PGBD5: variants seen among roughly 807,000 people sequenced by gnomAD.
PGBD5 encodes the protein piggyBac transposable element-derived protein 5.
PGBD5 carries 14 observed loss-of-function variants against 47.9 expected under a neutral mutation model. That is an observed-to-expected ratio of 0.29 (90% CI 0.19 to 0.46). The LOEUF is 0.46. Ranked by LOEUF, PGBD5 falls within the 20% of genes least tolerant of loss-of-function variation. The pLI is 1.00. For missense variants in PGBD5, 635 were observed against 716.0 expected (o/e 0.89, Z 1.29); for synonymous variants, 316 against 306.3 (o/e 1.03, Z -0.33).
rs148878203 is a variant in PGBD5 at position 230,357,064 on chromosome 1, G to C, written c.589C>G (p.Arg197Gly). The C allele has an allele frequency of 6.2e-7, 1 of 1,614,178 alleles. No individual in the cohort carries two copies. Among genetic ancestry groups the C allele is most frequent in the South Asian group, 1.1e-5 (1 of 91,082 alleles). Residue 197 changes from arginine to glycine, a missense_variant, in exon 2 of 7, where the codon CGC (arginine) becomes GGC (glycine). Transcript: ENST00000391860. The surrounding 1 kb of genome is among the most constrained non-coding windows in gnomAD (Gnocchi z 5.7). ...TGGCTCATGACGAGGGCGAGGCTGCGGTTGCTGTAGAAGCCTCCGCTCCAG... is the reference window on the plus strand; with the variant it reads ...TGGCTCATGACGAGGGCGAGGCTGCCGTTGCTGTAGAAGCCTCCGCTCCAG... ...SIWSGGFYSNRSLALVMSQAR... is the reference protein window; with the variant it reads ...SIWSGGFYSNGSLALVMSQAR...
chr1:230,333,090 C>T (rs1319141701), intron 4 of PGBD5, 49 bp from the exon 5 acceptor site: 3 of 1,538,210 alleles, frequency 2.0e-6, no homozygotes, highest in African/African-American at 2.7e-5. Context: ...ATCGGAGATG[C>T]CGGCGGCTCC....
intron 1 of PGBD5, among the ~76,000 whole-genome samples, chr1:230,380,196 T>A (rs1189003051): frequency 6.6e-6 from 1 of 152,242 alleles, no homozygotes; most frequent in Admixed American, 6.5e-5. Flanking sequence ...ACTTTCTAAG[T>A]TAATTAAGTC....
intron 1 of PGBD5, among the ~76,000 whole-genome samples, chr1:230,368,708 A>G (rs1184771298): frequency 6.6e-6 from 1 of 152,228 alleles, no homozygotes; most frequent in Non-Finnish European, 1.5e-5. Flanking sequence ...CAGGGTCGGT[A>G]ATGCCTGGGC....
chr1:230,337,228 G>A lies in PGBD5; in HGVS notation c.955C>T (p.Pro319Ser). The change falls in exon 4 of 7, where the codon CCC (proline) becomes TCC (serine). Residue 319 changes from proline to serine, a missense_variant. By Grantham distance (74) the Pro-to-Ser change is moderately conservative. Coordinates refer to ENST00000391860, the MANE Select transcript of PGBD5 (RefSeq NM_001258311.2). ...CTGGCCACCATGCTGTGGAGCTGGG[G>A]CTTATTCTTCAGCGCATCCAGGCCA... ...PDGLDALKNKPQLHSMVARSL... is the reference protein window; with the variant it reads ...PDGLDALKNKSQLHSMVARSL... The A allele has an allele frequency of 6.2e-7, 1 of 1,614,122 alleles. No individual in the cohort carries two copies. Among genetic ancestry groups the A allele is most frequent in the Non-Finnish European group, 8.5e-7 (1 of 1,180,008 alleles).
Position 230,318,961 on chromosome 1 carries a change from G to A in PGBD5, c.*4464C>T, listed in dbSNP as rs73119525. ...GGACCCAGGGGGAGGGTGATGTCCC[G>A]GATCTCATAATGATTGTTTTCAGTA... On this transcript the variant is annotated 3_prime_UTR_variant, in exon 7 of 7. Coordinates refer to ENST00000391860, the MANE Select transcript of PGBD5 (RefSeq NM_001258311.2). 14,683 of 152,186 alleles carry A rather than the reference G, an allele frequency of 0.096. 1,249 individuals carry two copies. Among genetic ancestry groups the A allele is most frequent in the African/African-American group, 0.23 (9,649 of 41,482 alleles). 9.4% of individuals were successfully genotyped at this position (152,186 alleles called of 1,614,324 possible). A position where few individuals can be genotyped will look rare whatever the true frequency, so the allele number is the denominator to read the frequency against.
chr1:230,332,823 C>A, intron 5 of PGBD5, 21 bp downstream of exon 5: 2 of 1,613,860 alleles, frequency 1.2e-6, no homozygotes, highest in South Asian at 2.2e-5. Context: ...CCCACTGTGT[C>A]AATGGCGGAC....
intron 1 of PGBD5, among the ~76,000 whole-genome samples, chr1:230,389,174 C>CTT (rs5781582): frequency 7.0e-6 from 1 of 142,660 alleles, no homozygotes. Flanking sequence ...CATTTTCTTT[C>CTT]TTTTTTTTTT....
rs1425541797 is a variant in PGBD5 at position 230,316,719 on chromosome 1, G to A, written c.*6706C>T. ...CCCTCACATGGATCGTCAGGCTGGA[G>A]GAGTAGGTGGGCACCATACTTCCTT... On this transcript the variant is annotated 3_prime_UTR_variant, in exon 7 of 7. Transcript: ENST00000391860. 1.3e-5 allele frequency: 2 copies of A among 152,104 alleles called. No individual in the cohort carries two copies. The highest frequency in any genetic ancestry group is 2.9e-5 in the Non-Finnish European group (2 of 68,044). 9.4% of individuals were successfully genotyped at this position (152,104 alleles called of 1,614,324 possible). A position where few individuals can be genotyped will look rare whatever the true frequency, so the allele number is the denominator to read the frequency against.
chr1:230,328,282 T>C (rs535818696), intron 5 of PGBD5, among the ~76,000 whole-genome samples: 45 of 152,200 alleles, frequency 3.0e-4, no homozygotes, highest in Non-Finnish European at 5.6e-4. Flanking sequence ...TTCTTTTTCA[T>C]AATTTTAAAT....
chr1:230,351,103 G>T lies in PGBD5; in HGVS notation c.760-11C>A. ...GGGTTCATGTAGCACCTGCCAGGAG[G>T]GAAAAAGCAGAGGCTCTCACGGAAG... On this transcript the variant is annotated splice_polypyrimidine_tract_variant and intron_variant, in intron 2 of 6. Transcript: ENST00000391860. 1 of 1,606,250 alleles carries T rather than the reference G, an allele frequency of 6.2e-7. No individual in the cohort carries two copies. The highest frequency in any genetic ancestry group is 8.5e-7 in the Non-Finnish European group (1 of 1,176,926).
At position 230,316,884 on chromosome 1, in the gene PGBD5, C is replaced by A. The variant is rs185740401; in HGVS notation, c.*6541G>T. 1.3e-5 allele frequency: 2 copies of A among 152,240 alleles called. No individual in the cohort carries two copies. Among genetic ancestry groups the A allele is most frequent in the Non-Finnish European group, 2.9e-5 (2 of 68,056 alleles). 9.4% of individuals were successfully genotyped at this position (152,240 alleles called of 1,614,324 possible). On this transcript the variant is annotated 3_prime_UTR_variant, in exon 7 of 7. Transcript: ENST00000391860. ...ACACCGTCCCTGCTCATGTTTGGGG[C>A]GTGCTCCCCAGATACACACACGCAT... is the stretch of plus-strand genomic sequence containing the variant.
intron 1 of PGBD5, among the ~76,000 whole-genome samples, chr1:230,394,239 A>T (rs1328313885): frequency 6.6e-6 from 1 of 151,686 alleles, no homozygotes; most frequent in East Asian, 1.9e-4. Context: ...AAACGTGCCC[A>T]GTACCCTCAA....
intron 3 of PGBD5, among the ~76,000 whole-genome samples, chr1:230,343,570 C>T (rs1228638675): frequency 6.6e-6 from 1 of 152,216 alleles, no homozygotes; most frequent in Non-Finnish European, 1.5e-5. Context: ...ATCCCATCCT[C>T]AACTTACCGT....
At chr1:230,352,643 CCT>C (rs1303813504) in intron 2 of PGBD5, among the ~76,000 whole-genome samples, 1 of 152,148 alleles carries the variant, frequency 6.6e-6, no homozygotes, top group Non-Finnish European at 1.5e-5. Flanking sequence ...TGTGGTCTCC[CCT>C]GTCTTGTGAA....
intron 1 of PGBD5, among the ~76,000 whole-genome samples, chr1:230,382,260 C>T (rs1413008028): frequency 6.6e-6 from 1 of 151,856 alleles, no homozygotes; most frequent in Non-Finnish European, 1.5e-5. Context: ...ATGATTTGTT[C>T]CTCTACCTGG....
chr1:230,337,112 C>G lies in PGBD5; in HGVS notation c.1071G>C (p.Lys357Asn). The G allele has an allele frequency of 1.2e-6, 2 of 1,613,572 alleles. No homozygotes were observed. Residue 357 changes from lysine (K) to asparagine (N), a missense_variant, in exon 4 of 7, where the codon AAG (lysine) becomes AAC (asparagine). Transcript: ENST00000391860. ...CTGGCTCCCCACTTGACTAACCTTG[C>G]TTCTCAAACTCTTCAAACAGCGTCA... is the stretch of plus-strand genomic sequence containing the variant. Reference protein sequence around the residue: ...TSLTLFEEFEKQGIYCCGLLR... With the variant: ...TSLTLFEEFENQGIYCCGLLR...
At position 230,319,732 on chromosome 1, in the gene PGBD5, G is replaced by A. The variant is rs867955198; in HGVS notation, c.*3693C>T. The A allele has an allele frequency of 1.3e-5, 2 of 151,984 alleles. No individual in the cohort carries two copies. Among genetic ancestry groups the A allele is most frequent in the Middle Eastern group, 3.4e-3 (1 of 294 alleles). The allele number at this position is 151,984 out of a possible 1,614,324, so 9.4% of individuals were successfully genotyped here. A position where few individuals can be genotyped will look rare whatever the true frequency, so the allele number is the denominator to read the frequency against. ...ATCTGATTTAGTCAGTACTGGATGTGTTTGCTCAGAATGACCCAGCCACCA... is the reference window on the plus strand; with the variant it reads ...ATCTGATTTAGTCAGTACTGGATGTATTTGCTCAGAATGACCCAGCCACCA... On this transcript the variant is annotated 3_prime_UTR_variant, in exon 7 of 7. Coordinates refer to ENST00000391860, the MANE Select transcript of PGBD5 (RefSeq NM_001258311.2).
chr1:230,360,643 T>TC (rs987984940), intron 1 of PGBD5, among the ~76,000 whole-genome samples: 4 of 152,214 alleles, frequency 2.6e-5, no homozygotes, highest in African/African-American at 9.6e-5. Flanking sequence ...AAGGTGCCTT[T>TC]CTTCCCCTTC....
chr1:230,354,878 T>G (rs568401893), intron 2 of PGBD5, among the ~76,000 whole-genome samples: 1 of 152,040 alleles, frequency 6.6e-6, no homozygotes, highest in South Asian at 2.1e-4. Flanking sequence ...CCAAATACAG[T>G]AAAATAAAAA....
Sources: gnomAD v4.1 joint callset for allele counts (sites outside exome capture counted in the v4.1 genomes callset) on GRCh38, gnomAD v4.1.1 for gene constraint, Gnocchi (gnomAD v3.1) non-coding constraint, MANE v1.5 for transcripts, NCBI Gene and HGNC (gene_info 2026-07-23, HGNC 2026-07-21) for gene names.